Variants in RPL19 observed in about 807,000 individuals in gnomAD.
RPL19 encodes the protein ribosomal protein L19.
A neutral mutation model predicts 25.1 loss-of-function variants in RPL19; 2 were observed. The ratio of observed to expected loss-of-function variants is 0.08; its 90% CI spans 0.03 to 0.25. The LOEUF (loss-of-function observed/expected upper bound fraction) is 0.25. Ranked by LOEUF, RPL19 falls within the 10% of genes least tolerant of loss-of-function variation. The probability of loss-of-function intolerance (pLI) is 1.00; values close to 1 mark genes in which losing one functional copy is unlikely to be tolerated. For synonymous variants in RPL19, 89 were observed against 91.2 expected (o/e 0.98, Z 0.14); for missense variants, 123 against 271.8 (o/e 0.45, Z 3.85).
chr17:39,204,524 G>C lies in RPL19; in HGVS notation c.468-1G>C, dbSNP rs2046311304. 1 of 1,613,924 alleles carries C rather than the reference G, an allele frequency of 6.2e-7. No individual in the cohort carries two copies. On this transcript the variant is annotated splice_acceptor_variant, in intron 5 of 5. Transcript: ENST00000225430. LOFTEE classifies it high-confidence loss of function. ...ACCCGTCTTTTCTCTTCCCTGACCAGTGACCAGGCTGAGGCCCGCAGGTCT... is the reference window on the plus strand; with the variant it reads ...ACCCGTCTTTTCTCTTCCCTGACCACTGACCAGGCTGAGGCCCGCAGGTCT...
chr17:39,200,466 C>T (rs996536766), intron 1 of RPL19, 117 bp downstream of exon 1: 1 of 1,328,476 alleles, frequency 7.5e-7, no homozygotes, highest in Non-Finnish European at 9.7e-7. Context: ...AGCGGCCGGT[C>T]CCGGGGTTTG....
At chr17:39,204,246 G>C in intron 5 of RPL19, 59 bp downstream of exon 5, 1 of 1,137,958 alleles carries the variant, frequency 8.8e-7, no homozygotes, top group African/African-American at 1.5e-5. Context: ...GTTGTTCTTA[G>C]ATACTTAAAA....
At chr17:39,202,801 T>G (rs998787776) in intron 3 of RPL19, 188 bp from the exon 4 acceptor site, 6 of 662,374 alleles carry the variant, frequency 9.1e-6, no homozygotes, top group Non-Finnish European at 1.5e-5. Context: ...GTGCTTCCTT[T>G]AAAATTGAGT....
chr17:39,203,573 C>T (rs1016103165), intron 4 of RPL19, among the ~76,000 whole-genome samples: 3 of 151,220 alleles, frequency 2.0e-5, no homozygotes, highest in Non-Finnish European at 2.9e-5. Flanking sequence ...TGCAGTGGCA[C>T]GATCTTGGTT....
intron 2 of RPL19, 152 bp from the exon 3 acceptor site, chr17:39,202,165 G>A (rs1354868800): frequency 5.7e-6 from 5 of 877,604 alleles, no homozygotes; most frequent in East Asian, 5.4e-5. Flanking sequence ...AGGTTTTTTG[G>A]GTTTTTGAAG....
Position 39,203,104 on chromosome 17 carries a change from C to G in RPL19, c.351C>G (p.Arg117=). The G allele has an allele frequency of 6.2e-7, 1 of 1,613,160 alleles. No individual in the cohort carries two copies. The highest frequency in any genetic ancestry group is 8.5e-7 in the Non-Finnish European group (1 of 1,179,664). The change falls in exon 4 of 6, where the codon CGC becomes CGG. Residue 117 remains arginine (R), a synonymous_variant. Transcript: ENST00000225430. The part of the protein sequence containing the change: ...RRYRESKKID[R]HMYHSLYLKV... ...ACCGTGAATCTAAGAAGATCGATCG[C>G]CACATGTAAGCACACCCTCTTGGGC...
At chr17:39,202,861 A>T in intron 3 of RPL19, 128 bp from the exon 4 acceptor site, 1 of 1,024,922 alleles carries the variant, frequency 9.8e-7, no homozygotes, top group Non-Finnish European at 1.5e-6. Context: ...AATGGAAGTA[A>T]TGCTACTTAA....
intron 2 of RPL19, among the ~76,000 whole-genome samples, chr17:39,201,835 G>A (rs1314173973): frequency 6.6e-6 from 1 of 152,130 alleles, no homozygotes; most frequent in Non-Finnish European, 1.5e-5. Flanking sequence ...GCCTCCCAGA[G>A]TGCTGGGATT....
At position 39,200,314 on chromosome 17, in the gene RPL19, G is replaced by C; in HGVS notation, c.-31G>C. ...AATGGGAGGAGCCGGGCCCGAGCGA[G>C]CTCTTTCCTTTCGCTGCTGCGGCCG... On this transcript the variant is annotated 5_prime_UTR_variant, in exon 1 of 6. Coordinates refer to ENST00000225430, the MANE Select transcript of RPL19 (RefSeq NM_000981.4). 5.2e-6 allele frequency: 8 copies of C among 1,545,712 alleles called. No homozygotes were observed. Among genetic ancestry groups the C allele is most frequent in the Middle Eastern group, 2.3e-4 (1 of 4,412 alleles).
At chr17:39,202,650 C>G (rs1000091001) in intron 3 of RPL19, 1 of 628,768 alleles carries the variant, frequency 1.6e-6, no homozygotes, top group South Asian at 2.0e-5. Context: ...TAAGTCCCTA[C>G]CTACACTATG....
intron 4 of RPL19, 65 bp downstream of exon 4, chr17:39,203,174 ATTTTT>A (rs59332263): frequency 3.2e-3 from 1,914 of 593,984 alleles, no homozygotes; most frequent in Non-Finnish European, 3.6e-3. Context: ...TTTCCCAGAG[ATTTTT>A]TTTTTTTTTT....
chr17:39,201,347 C>T (rs745676386), intron 2 of RPL19, 28 bp downstream of exon 2: 1 of 1,290,174 alleles, frequency 7.8e-7, no homozygotes, highest in Admixed American at 1.8e-5. Context: ...GTCTCTTCAC[C>T]CTACTTCCTT....
At chr17:39,202,241 C>T (rs1167009530) in intron 2 of RPL19, 76 bp from the exon 3 acceptor site, 2 of 1,578,766 alleles carry the variant, frequency 1.3e-6, no homozygotes, top group Non-Finnish European at 1.7e-6. Flanking sequence ...TGAGCAGTGT[C>T]TCTGGCCTGG....
intron 3 of RPL19, 119 bp downstream of exon 3, chr17:39,202,558 T>C: frequency 7.8e-7 from 1 of 1,288,210 alleles, no homozygotes; most frequent in South Asian, 1.3e-5. Flanking sequence ...TGATATTTGA[T>C]GTGTTTTCTG....
intron 2 of RPL19, 35 bp downstream of exon 2, chr17:39,201,354 CCTT>C (rs750131122): frequency 9.9e-6 from 12 of 1,214,662 alleles, no homozygotes; most frequent in African/African-American, 6.1e-5. Flanking sequence ...CACCCTACTT[CCTT>C]CTTTTCTCCT....
At chr17:39,201,570 ATATTT>A (rs1459007071) in intron 2 of RPL19, among the ~76,000 whole-genome samples, 2 of 149,712 alleles carry the variant, frequency 1.3e-5, no homozygotes, top group African/African-American at 4.9e-5. Flanking sequence ...TTTACTCTTT[ATATTT>A]TATTTTATTT....
intron 3 of RPL19, 35 bp from the exon 4 acceptor site, chr17:39,202,954 G>A (rs1177700635): frequency 1.2e-6 from 2 of 1,612,828 alleles, no homozygotes; most frequent in Non-Finnish European, 1.7e-6. Flanking sequence ...AGTGGGCCTG[G>A]GTAGTGGCCC....
chr17:39,202,239 GTC>G (rs1280227103), intron 2 of RPL19, 76 bp from the exon 3 acceptor site: 9 of 1,570,282 alleles, frequency 5.7e-6, no homozygotes, highest in South Asian at 1.1e-5. Context: ...TGTGAGCAGT[GTC>G]TCTGGCCTGG....
chr17:39,204,201 C>A lies in RPL19; in HGVS notation c.467+14C>A. On this transcript the variant is annotated intron_variant, in intron 5 of 5. Transcript: ENST00000225430. Reference sequence around the variant, plus strand: ...GAAGCTCCTGGCGTAAGTTTCTTTTCAGAGTCTTAGGGGAACATTCTTAGA... The same window carrying A: ...GAAGCTCCTGGCGTAAGTTTCTTTTAAGAGTCTTAGGGGAACATTCTTAGA... 6.7e-7 allele frequency: 1 copy of A among 1,500,618 alleles called. No individual in the cohort carries two copies. Among genetic ancestry groups the A allele is most frequent in the Non-Finnish European group, 9.3e-7 (1 of 1,076,608 alleles). 93.0% of individuals were successfully genotyped at this position (1,500,618 alleles called of 1,614,324 possible).
Sources: allele counts gnomAD v4.1 joint callset (sites outside exome capture counted in the v4.1 genomes callset), GRCh38; gene constraint gnomAD v4.1.1; transcripts MANE v1.5; gene names NCBI Gene and HGNC (gene_info 2026-07-23, HGNC 2026-07-21).